Variants in PHACTR1 observed in about 807,000 individuals in gnomAD.
PHACTR1 encodes RPEL repeat containing 1.
A neutral mutation model predicts 69.2 loss-of-function variants in PHACTR1; 16 were observed. That is an observed-to-expected ratio of 0.23 (90% CI 0.16 to 0.35). The LOEUF is 0.35. Among genes scored for constraint, PHACTR1 ranks in the 10% least tolerant of loss-of-function variants. PHACTR1 has a pLI of 1.00. For synonymous variants in PHACTR1, 312 were observed against 284.5 expected (o/e 1.10, Z -0.97); for missense variants, 510 against 734.7 (o/e 0.69, Z 3.54).
intron 4 of PHACTR1, among the ~76,000 whole-genome samples, chr6:12,791,426 C>G (rs936555172): frequency 2.6e-5 from 4 of 152,174 alleles, no homozygotes; most frequent in Non-Finnish European, 4.4e-5. Flanking sequence ...ACTGATCCCA[C>G]TCCACAATGA....
At position 12,718,785 on chromosome 6, in the gene PHACTR1, C is replaced by A; in HGVS notation, c.41C>A (p.Ser14Tyr). The change falls in exon 3 of 15, where the codon TCT (serine) becomes TAT (tyrosine). Residue 14 changes from serine to tyrosine, a missense_variant. By Grantham distance (144) the Ser-to-Tyr change is moderately radical (BLOSUM62 -2). Around this residue, in one of 2 missense-constraint regions of PHACTR1, gnomAD observed 419 missense variants for 530.9 expected, o/e 0.79. Transcript: ENST00000332995. ...PKMDYFLDVE[S>Y]AHRLLDVESA... ...ATGGATTATTTTCTGGATGTAGAGT[C>A]TGCTCACAGACTCTTGGATGTTGAG... The A allele has an allele frequency of 1.3e-6, 2 of 1,572,368 alleles. No individual in the cohort carries two copies. The highest frequency in any genetic ancestry group is 2.4e-5 in the South Asian group (2 of 85,056).
chr6:13,252,068 A>G (rs1019312167), intron 10 of PHACTR1, among the ~76,000 whole-genome samples: 1 of 150,196 alleles, frequency 6.7e-6, no homozygotes, highest in South Asian at 2.1e-4. Flanking sequence ...AAAAAAAAAA[A>G]GAAAGAAAGA....
intron 10 of PHACTR1, among the ~76,000 whole-genome samples, chr6:13,263,103 C>T (rs1300868919): frequency 3.3e-5 from 5 of 152,194 alleles, no homozygotes; most frequent in African/African-American, 9.7e-5. Flanking sequence ...TGTCACTTCT[C>T]TAGGGAGATG....
At chr6:12,888,401 C>T (rs1783853369) in intron 4 of PHACTR1, among the ~76,000 whole-genome samples, 1 of 152,098 alleles carries the variant, frequency 6.6e-6, no homozygotes, top group Admixed American at 6.6e-5. Flanking sequence ...TATAAATTAC[C>T]TAGTTTCAGG....
rs181701304 is a variant in PHACTR1 at position 13,128,371 on chromosome 6, C to T, written c.416-31833C>T. On this transcript the variant is annotated intron_variant, in intron 5 of 14. Coordinates refer to ENST00000332995, the MANE Select transcript of PHACTR1 (RefSeq NM_030948.6). ...AGCTACTCAAGGAGATAACAGAGAACGGTGAAAACCAACTTAAATAAATTT... is the reference window on the plus strand; with the variant it reads ...AGCTACTCAAGGAGATAACAGAGAATGGTGAAAACCAACTTAAATAAATTT... 1.7e-4 allele frequency among the ~76,000 whole-genome samples: 26 copies of T among 149,860 alleles called. 1 individual carries two copies. The South Asian group carries it at 2.6e-3, about 15-fold the overall frequency.
At chr6:13,263,321 TAG>T (rs1234352608) in intron 10 of PHACTR1, among the ~76,000 whole-genome samples, 2 of 135,950 alleles carry the variant, frequency 1.5e-5, no homozygotes, top group Non-Finnish European at 3.1e-5. Context: ...TGGTCACCAG[TAG>T]AGACAGCATT....
intron 12 of PHACTR1, among the ~76,000 whole-genome samples, chr6:13,281,785 G>A (rs1780303706): frequency 1.3e-5 from 2 of 152,292 alleles, no homozygotes; most frequent in South Asian, 4.1e-4. Flanking sequence ...TTTTGTTTAC[G>A]GTGACCACAG....
intron 4 of PHACTR1, among the ~76,000 whole-genome samples, chr6:12,812,984 A>C (rs113751569): frequency 0.01 from 1,585 of 152,338 alleles, 13 homozygotes; most frequent in Non-Finnish European, 0.016. Context: ...CAGCAACAGC[A>C]GAGGTGGATT....
At chr6:13,154,910 G>C (rs909262601) in intron 5 of PHACTR1, among the ~76,000 whole-genome samples, 3 of 152,114 alleles carry the variant, frequency 2.0e-5, no homozygotes, top group African/African-American at 7.2e-5. Context: ...ACCATACCCA[G>C]TTTGTGAGAA....
chr6:12,846,641 T>G (rs560917200), intron 4 of PHACTR1, among the ~76,000 whole-genome samples: 1 of 152,168 alleles, frequency 6.6e-6, no homozygotes, highest in Non-Finnish European at 1.5e-5. Context: ...CTTGTTAACT[T>G]TTGAAGTAAT....
chr6:12,866,969 C>A (rs1461199708), intron 4 of PHACTR1, among the ~76,000 whole-genome samples: 1 of 152,128 alleles, frequency 6.6e-6, no homozygotes, highest in Non-Finnish European at 1.5e-5. Flanking sequence ...CTCTCTCCCT[C>A]CCCCCAGTTG....
intron 4 of PHACTR1, among the ~76,000 whole-genome samples, chr6:12,834,661 T>A (rs753220816): frequency 3.9e-5 from 6 of 152,050 alleles, no homozygotes; most frequent in Non-Finnish European, 8.8e-5. Flanking sequence ...CAAAACCTAA[T>A]ACCAAAAATA....
intron 4 of PHACTR1, among the ~76,000 whole-genome samples, chr6:12,947,719 C>A (rs984447008): frequency 4.6e-5 from 7 of 152,264 alleles, no homozygotes; most frequent in East Asian, 1.9e-4. Context: ...TTAATCCTCA[C>A]AATCACCCTA....
intron 4 of PHACTR1, among the ~76,000 whole-genome samples, chr6:12,905,672 G>A (rs1175730085): frequency 6.6e-6 from 1 of 152,220 alleles, no homozygotes; most frequent in Non-Finnish European, 1.5e-5. Flanking sequence ...TAACCAGGCA[G>A]AGAAGAGAGG....
intron 4 of PHACTR1, among the ~76,000 whole-genome samples, chr6:13,011,300 T>G (rs1799422112): frequency 6.6e-6 from 1 of 152,218 alleles, no homozygotes; most frequent in African/African-American, 2.4e-5. Context: ...TTTATTGAAT[T>G]TTAATTCATT....
Position 13,195,846 on chromosome 6 carries a change from G to A in PHACTR1, c.665-9969G>A, listed in dbSNP as rs1363250001. ...TATTTAGTCCACACTTATTCCGTGT[G>A]TCGGCTACAGCCATACGGCACAAGG... On this transcript the variant is annotated intron_variant, in intron 7 of 14. Coordinates refer to ENST00000332995, the MANE Select transcript of PHACTR1 (RefSeq NM_030948.6). Among the ~76,000 whole-genome samples the A allele has an allele frequency of 2.7e-5, 4 of 150,122 alleles. No homozygotes were observed. The South Asian group carries it at 8.3e-4, about 31-fold the overall frequency.
intron 3 of PHACTR1, among the ~76,000 whole-genome samples, chr6:12,748,468 G>A (rs1766090835): frequency 6.6e-6 from 1 of 152,080 alleles, no homozygotes; most frequent in Non-Finnish European, 1.5e-5. Context: ...TAGAAGAGTG[G>A]TAAACTCAGG....
At chr6:12,868,190 G>A (rs1335350316) in intron 4 of PHACTR1, among the ~76,000 whole-genome samples, 2 of 150,690 alleles carry the variant, frequency 1.3e-5, no homozygotes, top group African/African-American at 4.9e-5. Flanking sequence ...CAGGGAGTCG[G>A]AGGTTGCAGT....
At chr6:12,743,804 AC>A (rs1470139044) in intron 3 of PHACTR1, among the ~76,000 whole-genome samples, 1 of 152,202 alleles carries the variant, frequency 6.6e-6, no homozygotes, top group Non-Finnish European at 1.5e-5. Flanking sequence ...CACCAAGTGG[AC>A]CTAATAGACA....
Sources: gnomAD v4.1 joint callset for allele counts (sites outside exome capture counted in the v4.1 genomes callset) on GRCh38, gnomAD v4.1.1 for gene constraint, gnomAD v4.1.1 regional missense constraint, MANE v1.5 for transcripts, NCBI Gene and HGNC (gene_info 2026-07-23, HGNC 2026-07-21) for gene names.